Variants in CACNA1C observed in about 807,000 individuals in gnomAD.
CACNA1C encodes the protein voltage-dependent L-type calcium channel subunit alpha-1C.
Under a neutral mutation model 229.0 loss-of-function variants are expected in CACNA1C, and 30 were observed. That is an observed-to-expected ratio of 0.13 (90% CI 0.10 to 0.18). The LOEUF (loss-of-function observed/expected upper bound fraction) is 0.18, where lower values mean the gene tolerates loss of function less well. CACNA1C is among the 10% of genes least tolerant of loss of function. The pLI is 1.00. For synonymous variants in CACNA1C, 1,114 were observed against 1,132.5 expected, an observed-to-expected ratio of 0.98 and a Z score of 0.33; for missense variants, 1,658 against 2,845.0, an observed-to-expected ratio of 0.58 and a Z score of 9.49.
intron 9 of CACNA1C, among the ~76,000 whole-genome samples, chr12:2,515,247 G>T (rs542774702): frequency 6.6e-6 from 1 of 152,206 alleles, no homozygotes; most frequent in Non-Finnish European, 1.5e-5. Context: ...GAAGTGGAAC[G>T]TGAGAGACAG....
At chr12:2,458,905 T>C (rs1000967710) in intron 5 of CACNA1C, among the ~76,000 whole-genome samples, 1 of 152,166 alleles carries the variant, frequency 6.6e-6, no homozygotes, top group Non-Finnish European at 1.5e-5. Context: ...ACCAGCTCTT[T>C]CCTGCCATAC....
At chr12:1,990,197 G>C (rs192886727) in intron 1 of CACNA1C, among the ~76,000 whole-genome samples, 1 of 152,238 alleles carries the variant, frequency 6.6e-6, no homozygotes, top group Admixed American at 6.5e-5. Context: ...AGGAATAACA[G>C]TATTTTCAAG....
intron 3 of CACNA1C, among the ~76,000 whole-genome samples, chr12:2,445,611 A>G (rs1348755605): frequency 1.3e-5 from 2 of 152,158 alleles, no homozygotes; most frequent in African/African-American, 4.8e-5. Context: ...TCAAAAAGAG[A>G]TATGCCAGGT....
At chr12:2,182,932 C>T (rs997965185) in intron 3 of CACNA1C, among the ~76,000 whole-genome samples, 1 of 152,052 alleles carries the variant, frequency 6.6e-6, no homozygotes, top group African/African-American at 2.4e-5. Flanking sequence ...CTTAGTCCAC[C>T]GGATGCCAGG....
chr12:2,681,920 G>A, intron 42 of CACNA1C: 1 of 1,277,270 alleles, frequency 7.8e-7, no homozygotes. Context: ...TTGGTCCAGA[G>A]CTAAAGATGA....
At chr12:2,347,064 C>T (rs2097059077) in intron 3 of CACNA1C, among the ~76,000 whole-genome samples, 1 of 152,188 alleles carries the variant, frequency 6.6e-6, no homozygotes, top group Non-Finnish European at 1.5e-5. Context: ...CAGTTTTAGC[C>T]TGTCTGAACT....
chr12:2,177,087 G>A (rs1035477641), intron 3 of CACNA1C, among the ~76,000 whole-genome samples: 2 of 152,168 alleles, frequency 1.3e-5, no homozygotes, highest in Non-Finnish European at 2.9e-5. Context: ...GATTTTCCCA[G>A]CCAGCTTGGA....
chr12:2,185,034 T>C (rs1418332830), intron 3 of CACNA1C, among the ~76,000 whole-genome samples: 2 of 151,874 alleles, frequency 1.3e-5, no homozygotes, highest in African/African-American at 2.4e-5. Flanking sequence ...GCGTGGCTCA[T>C]TGCTCCTGGG....
Position 2,387,536 on chromosome 12 carries a change from C to G in CACNA1C, c.478-61440C>G, listed in dbSNP as rs191466898. On this transcript the variant is annotated intron_variant, in intron 3 of 46. Coordinates refer to ENST00000399655, the MANE Select transcript of CACNA1C (RefSeq NM_000719.7). ...CAATGACTAATAAGTGAACTAAGAG[C>G]GAAAGAAAGAAAGAAAGAAAGAAAG... Among the ~76,000 whole-genome samples, 676 of 150,332 alleles carry G rather than the reference C, an allele frequency of 4.5e-3. 7 individuals carry two copies. Among genetic ancestry groups the G allele is most frequent in the Middle Eastern group, 6.9e-3 (2 of 288 alleles).
intron 3 of CACNA1C, among the ~76,000 whole-genome samples, chr12:2,255,416 C>T (rs1447848343): frequency 6.6e-6 from 1 of 152,168 alleles, no homozygotes; most frequent in South Asian, 2.1e-4. Flanking sequence ...GGTCCATTTA[C>T]TAATGTCCTT....
rs569181454 is a variant in CACNA1C, at chr12:2,245,140, G to C, written c.477+124710G>C. 3.9e-5 allele frequency among the ~76,000 whole-genome samples: 6 copies of C among 152,340 alleles called. No homozygotes were observed. The East Asian group carries it at 5.8e-4, about 15-fold the overall frequency. ...TGTGGAGGGGCCGCGCTGATCGTGA[G>C]AGCAAAGGGAATTGTATTATTCTTT... is the stretch of plus-strand genomic sequence containing the variant. On this transcript the variant is annotated intron_variant, in intron 3 of 46. Coordinates refer to ENST00000399655, the MANE Select transcript of CACNA1C (RefSeq NM_000719.7).
chr12:2,465,707 C>T (rs1159158704), intron 5 of CACNA1C, among the ~76,000 whole-genome samples: 1 of 152,170 alleles, frequency 6.6e-6, no homozygotes, highest in Non-Finnish European at 1.5e-5. Flanking sequence ...ACTGCAGAGA[C>T]AGCTAAGTGT....
chr12:2,513,029 G>C, intron 9 of CACNA1C, 45 bp downstream of exon 9: 2 of 1,511,882 alleles, frequency 1.3e-6, no homozygotes, highest in Non-Finnish European at 1.8e-6. Flanking sequence ...TTCTGGGGGA[G>C]AGGAGACAGC....
At chr12:2,085,006 A>G (rs2154063730) in intron 1 of CACNA1C, among the ~76,000 whole-genome samples, 1 of 152,328 alleles carries the variant, frequency 6.6e-6, no homozygotes, top group South Asian at 2.1e-4. Flanking sequence ...TCAGCAGCAC[A>G]TTTGGCAAAT....
At chr12:2,373,139 G>A (rs1043373096) in intron 3 of CACNA1C, among the ~76,000 whole-genome samples, 1 of 152,182 alleles carries the variant, frequency 6.6e-6, no homozygotes, top group African/African-American at 2.4e-5. Flanking sequence ...CAGCGAAGGA[G>A]GATCCATGAT....
chr12:2,382,228 C>T (rs2098267430), intron 3 of CACNA1C, among the ~76,000 whole-genome samples: 1 of 152,178 alleles, frequency 6.6e-6, no homozygotes, highest in Non-Finnish European at 1.5e-5. Context: ...CATTAGAAAC[C>T]ATGGATATTT....
intron 3 of CACNA1C, among the ~76,000 whole-genome samples, chr12:2,434,773 G>T (rs187086284): frequency 6.6e-6 from 1 of 152,124 alleles, no homozygotes; most frequent in Non-Finnish European, 1.5e-5. Flanking sequence ...GATAGTCCCC[G>T]TCAGGCCGTA....
intron 1 of CACNA1C, chr12:2,004,814 A>G (rs2043076246): frequency 4.9e-6 from 1 of 205,896 alleles, no homozygotes; most frequent in East Asian, 1.4e-4. Flanking sequence ...ATCTATCACA[A>G]TAAATAAGCC....
At chr12:2,477,852 T>TA (rs2099638493) in intron 5 of CACNA1C, among the ~76,000 whole-genome samples, 1 of 151,970 alleles carries the variant, frequency 6.6e-6, no homozygotes, top group Non-Finnish European at 1.5e-5. Flanking sequence ...TACCCCATCA[T>TA]AAAAAGCACC....
Sources: gnomAD v4.1 joint callset for allele counts (sites outside exome capture counted in the v4.1 genomes callset) on GRCh38, gnomAD v4.1.1 for gene constraint, MANE v1.5 for transcripts, NCBI Gene and HGNC (gene_info 2026-07-23, HGNC 2026-07-21) for gene names.